The following PTPRD variants were observed in gnomAD, a reference collection of about 807,000 sequenced individuals.
The protein encoded by PTPRD is protein tyrosine phosphatase receptor type D, also known as receptor-type tyrosine-protein phosphatase delta.
In PTPRD, 34 loss-of-function variants were observed where a neutral mutation model predicts 214.5. The observed-to-expected ratio is 0.16, with a 90% confidence interval of 0.12 to 0.21. The LOEUF is 0.21. Ranked by LOEUF, PTPRD falls within the 10% of genes least tolerant of loss-of-function variation. The pLI is 1.00. For missense variants in PTPRD, 2,545 were observed against 2,398.7 expected, an observed-to-expected ratio of 1.06 and a Z score of -1.27; for synonymous variants, 1,128 against 845.7, an observed-to-expected ratio of 1.33 and a Z score of -5.79.
intron 2 of PTPRD, among the ~76,000 whole-genome samples, chr9:10,527,045 T>C (rs833425): frequency 0.16 from 23,930 of 152,024 alleles, 2,511 homozygotes; most frequent in East Asian, 0.5. Flanking sequence ...GAAAAGCAAC[T>C]CTATTTACTT....
intron 11 of PTPRD, among the ~76,000 whole-genome samples, chr9:8,790,732 A>G (rs1474932392): frequency 6.6e-6 from 1 of 151,888 alleles, no homozygotes; most frequent in Non-Finnish European, 1.5e-5. Context: ...CATTAGATAC[A>G]TACAATTTGT....
At chr9:9,390,160 G>C (rs1453765945) in intron 9 of PTPRD, among the ~76,000 whole-genome samples, 1 of 152,116 alleles carries the variant, frequency 6.6e-6, no homozygotes, top group Non-Finnish European at 1.5e-5. Flanking sequence ...GGATTCCTGG[G>C]ACAGCGGGGA....
At chr9:10,559,821 C>T (rs1414350575) in intron 2 of PTPRD, among the ~76,000 whole-genome samples, 5 of 152,204 alleles carry the variant, frequency 3.3e-5, no homozygotes, top group Non-Finnish European at 7.4e-5. Context: ...CTCACCATCA[C>T]TGGCCATCAG....
At chr9:9,238,214 C>T (rs2099968216) in intron 9 of PTPRD, among the ~76,000 whole-genome samples, 1 of 152,026 alleles carries the variant, frequency 6.6e-6, no homozygotes, top group Non-Finnish European at 1.5e-5. Context: ...GAATAAGTTT[C>T]TCTCAGGTCT....
At chr9:8,751,801 T>G (rs1027755878) in intron 11 of PTPRD, among the ~76,000 whole-genome samples, 1 of 152,200 alleles carries the variant, frequency 6.6e-6, no homozygotes, top group Non-Finnish European at 1.5e-5. Context: ...CTACCAGTAT[T>G]TAACCCTCTG....
At chr9:8,670,156 G>C (rs182612435) in intron 12 of PTPRD, among the ~76,000 whole-genome samples, 3 of 152,060 alleles carry the variant, frequency 2.0e-5, no homozygotes, top group East Asian at 3.9e-4. Flanking sequence ...AGGAGGAAAA[G>C]GCATCAGAAA....
At chr9:10,040,463 C>A (rs1185498136) in intron 3 of PTPRD, among the ~76,000 whole-genome samples, 1 of 152,020 alleles carries the variant, frequency 6.6e-6, no homozygotes. Flanking sequence ...ACCTAATTGC[C>A]ACTACCCTGA....
chr9:10,303,139 A>ACAACT (rs2095920889), intron 3 of PTPRD, among the ~76,000 whole-genome samples: 1 of 152,204 alleles, frequency 6.6e-6, no homozygotes, highest in Non-Finnish European at 1.5e-5. Flanking sequence ...ATATAAGCTG[A>ACAACT]ACAATGTGCT....
chr9:10,562,410 G>C (rs2064250997), intron 2 of PTPRD, among the ~76,000 whole-genome samples: 1 of 151,372 alleles, frequency 6.6e-6, no homozygotes, highest in Non-Finnish European at 1.5e-5. Context: ...TGAGAAAACT[G>C]TTCTGTATGT....
chr9:10,546,908 T>G (rs2060283556), intron 2 of PTPRD, among the ~76,000 whole-genome samples: 1 of 152,226 alleles, frequency 6.6e-6, no homozygotes, highest in South Asian at 2.1e-4. Context: ...GCCATAGTTC[T>G]TGAAGCAAAA....
chr9:8,476,500 C>T (rs1015638453), intron 30 of PTPRD, among the ~76,000 whole-genome samples: 15 of 152,086 alleles, frequency 9.9e-5, no homozygotes, highest in Non-Finnish European at 1.9e-4. Context: ...GTTCCACCTG[C>T]CTAGAACTTT....
At chr9:9,524,817 T>C (rs1224905384) in intron 8 of PTPRD, among the ~76,000 whole-genome samples, 1 of 152,126 alleles carries the variant, frequency 6.6e-6, no homozygotes, top group Non-Finnish European at 1.5e-5. Context: ...TAATTTTGGA[T>C]TGATTTTGGG....
chr9:10,349,998 G>C (rs2097155259), intron 2 of PTPRD, among the ~76,000 whole-genome samples: 1 of 152,192 alleles, frequency 6.6e-6, no homozygotes, highest in African/African-American at 2.4e-5. Flanking sequence ...AAGAGAAACA[G>C]CAATGCCTAT....
chr9:8,931,496 A>G (rs1158074162), intron 11 of PTPRD, among the ~76,000 whole-genome samples: 1 of 152,182 alleles, frequency 6.6e-6, no homozygotes, highest in Non-Finnish European at 1.5e-5. Context: ...CAATTCTGTG[A>G]AGAAAGTCAT....
intron 9 of PTPRD, among the ~76,000 whole-genome samples, chr9:9,202,683 T>C (rs1054396710): frequency 6.6e-6 from 1 of 152,184 alleles, no homozygotes; most frequent in Non-Finnish European, 1.5e-5. Context: ...GACATTTGTA[T>C]TGAGAAAATA....
At position 9,297,513 on chromosome 9, in the gene PTPRD, T is replaced by G. The variant is rs567817902; in HGVS notation, c.-203+99936A>C. On this transcript the variant is annotated intron_variant, in intron 9 of 45. Coordinates refer to ENST00000381196, the MANE Select transcript of PTPRD (RefSeq NM_002839.4). ...ACAAGTATTTATACTTATTAAATGT[T>G]ATTGACTATCTTCCAAAAAGACATA... 5.3e-5 allele frequency among the ~76,000 whole-genome samples: 8 copies of G among 151,794 alleles called. No homozygotes were observed. In the East Asian group the frequency reaches 1.6e-3, roughly 29 times the overall value.
intron 8 of PTPRD, among the ~76,000 whole-genome samples, chr9:9,502,413 G>A (rs1385495591): frequency 2.0e-5 from 3 of 151,768 alleles, no homozygotes; most frequent in African/African-American, 4.8e-5. Flanking sequence ...TGTCATCCAG[G>A]TTTATCCATG....
intron 5 of PTPRD, among the ~76,000 whole-genome samples, chr9:9,837,672 G>T (rs1271189174): frequency 6.6e-6 from 1 of 152,088 alleles, no homozygotes; most frequent in African/African-American, 2.4e-5. Flanking sequence ...TGACATGAGG[G>T]GAGTGGCTGT....
chr9:10,156,120 G>GTGTGTGTGTA (rs1268504310), intron 3 of PTPRD, among the ~76,000 whole-genome samples: 2 of 139,796 alleles, frequency 1.4e-5, no homozygotes, highest in African/African-American at 5.6e-5. Flanking sequence ...GTGTGTGTGT[G>GTGTGTGTGTA]TGTGCCTGTC....
Sources: gnomAD v4.1 joint callset for allele counts (sites outside exome capture counted in the v4.1 genomes callset) on GRCh38, gnomAD v4.1.1 for gene constraint, MANE v1.5 for transcripts, NCBI Gene and HGNC (gene_info 2026-07-23, HGNC 2026-07-21) for gene names.